TLK1: variants seen among roughly 807,000 people sequenced by gnomAD.
TLK1 encodes the protein serine/threonine-protein kinase tousled-like 1.
TLK1 carries 24 observed loss-of-function variants against 105.3 expected under a neutral mutation model. That is an observed-to-expected ratio of 0.23 (90% CI 0.17 to 0.32). TLK1 has a LOEUF of 0.32. Among genes scored for constraint, TLK1 ranks in the 10% least tolerant of loss-of-function variants. The probability of loss-of-function intolerance (pLI) is 1.00; values close to 1 mark genes in which losing one functional copy is unlikely to be tolerated. For missense variants in TLK1, 558 were observed against 910.5 expected (o/e 0.61, Z 4.98); for synonymous variants, 321 against 310.4 (o/e 1.03, Z -0.36).
chr2:171,042,042 A>G (rs974857365), intron 11 of TLK1, among the ~76,000 whole-genome samples: 6 of 152,224 alleles, frequency 3.9e-5, no homozygotes, highest in African/African-American at 1.4e-4. Flanking sequence ...TCAAATTGCC[A>G]TGTAGTACCC....
At chr2:171,076,369 CT>C (rs1159933730) in intron 3 of TLK1, among the ~76,000 whole-genome samples, 2 of 152,078 alleles carry the variant, frequency 1.3e-5, no homozygotes, top group Non-Finnish European at 1.5e-5. Flanking sequence ...TCACTTCTGC[CT>C]TCCATCTTCT....
At chr2:171,079,689 C>A (rs898412893) in intron 3 of TLK1, among the ~76,000 whole-genome samples, 1 of 152,054 alleles carries the variant, frequency 6.6e-6, no homozygotes, top group African/African-American at 2.4e-5. Context: ...AAAAAAGATT[C>A]ATATATAAAA....
chr2:171,046,685 C>G (rs978883661), intron 10 of TLK1, among the ~76,000 whole-genome samples: 1 of 152,280 alleles, frequency 6.6e-6, no homozygotes, highest in Admixed American at 6.5e-5. Context: ...GGTTAGATGA[C>G]ATCACTCCCT....
intron 1 of TLK1, among the ~76,000 whole-genome samples, chr2:171,214,930 TCTCTTTCAA>T (rs1693685804): frequency 6.6e-6 from 1 of 151,984 alleles, no homozygotes; most frequent in Admixed American, 6.6e-5. Flanking sequence ...GCAATCATGT[TCTCTTTCAA>T]CTCTTTTCTT....
At chr2:171,135,643 A>G (rs1333227918) in intron 1 of TLK1, among the ~76,000 whole-genome samples, 1 of 152,038 alleles carries the variant, frequency 6.6e-6, no homozygotes, top group Non-Finnish European at 1.5e-5. Context: ...TCTACTAAAA[A>G]TGTAAAAAAT....
At chr2:171,070,825 T>A (rs1333381983) in intron 3 of TLK1, among the ~76,000 whole-genome samples, 1 of 152,192 alleles carries the variant, frequency 6.6e-6, no homozygotes, top group Non-Finnish European at 1.5e-5. Context: ...AGCTCTATTT[T>A]CAGCCTTTTG....
chr2:171,216,492 A>C (rs1235226984), intron 1 of TLK1, among the ~76,000 whole-genome samples: 2 of 152,070 alleles, frequency 1.3e-5, no homozygotes, highest in Non-Finnish European at 2.9e-5. Context: ...AAAACAAAAC[A>C]AAAAAACAGA....
rs889159799 is a variant in TLK1 at position 170,991,691 on chromosome 2, C to T, written c.*2089G>A. 1.3e-5 allele frequency: 2 copies of T among 152,104 alleles called. No individual in the cohort carries two copies. The highest frequency in any genetic ancestry group is 4.8e-5 in the African/African-American group (2 of 41,424). 9.4% of individuals were successfully genotyped at this position (152,104 alleles called of 1,614,324 possible). ...GGTCTATACTACTTAACTTACTGAA[C>T]CTCAAAGTTAGATTTACACATTCAC... On this transcript the variant is annotated 3_prime_UTR_variant, in exon 21 of 21. Coordinates refer to ENST00000431350, the MANE Select transcript of TLK1 (RefSeq NM_012290.5).
intron 1 of TLK1, among the ~76,000 whole-genome samples, chr2:171,195,232 G>A (rs551908202): frequency 3.3e-5 from 5 of 151,972 alleles, no homozygotes; most frequent in Admixed American, 6.6e-5. Flanking sequence ...GGCCGGGCGC[G>A]GTGGCTCACG....
intron 14 of TLK1, 105 bp downstream of exon 14, chr2:171,011,268 A>T: frequency 1.1e-6 from 1 of 942,028 alleles, no homozygotes; most frequent in Non-Finnish European, 1.5e-6. Flanking sequence ...CCCTGGGGTT[A>T]CATGTGTGAG....
At chr2:171,139,139 A>G (rs1482401321) in intron 1 of TLK1, among the ~76,000 whole-genome samples, 1 of 152,212 alleles carries the variant, frequency 6.6e-6, no homozygotes, top group African/African-American at 2.4e-5. Flanking sequence ...CTGAGAAAAT[A>G]CCCAGCATTA....
chr2:171,080,057 C>T (rs1350480747), intron 3 of TLK1, among the ~76,000 whole-genome samples: 2 of 151,548 alleles, frequency 1.3e-5, no homozygotes, highest in African/African-American at 4.9e-5. Context: ...ACTGTCTGGG[C>T]ACGGTGGCTT....
Position 171,033,300 on chromosome 2 carries a change from G to A in TLK1, c.1170-4895C>T, listed in dbSNP as rs544742103. On this transcript the variant is annotated intron_variant, in intron 11 of 20. Coordinates refer to ENST00000431350, the MANE Select transcript of TLK1 (RefSeq NM_012290.5). ...TAAATTCTTAGATTTGTCACCAAAAGCATAAACAACAACAGTAACAAAAAT... is the reference window on the plus strand; with the variant it reads ...TAAATTCTTAGATTTGTCACCAAAAACATAAACAACAACAGTAACAAAAAT... 7.2e-5 allele frequency among the ~76,000 whole-genome samples: 11 copies of A among 152,138 alleles called. No individual in the cohort carries two copies. The South Asian group carries it at 1.9e-3, about 26-fold the overall frequency.
At chr2:171,067,797 T>C (rs902825510) in intron 3 of TLK1, among the ~76,000 whole-genome samples, 1 of 151,680 alleles carries the variant, frequency 6.6e-6, no homozygotes, top group Non-Finnish European at 1.5e-5. Flanking sequence ...TTATGTGAAG[T>C]CCCCCCAACC....
chr2:171,191,090 G>A (rs553446823), intron 1 of TLK1, among the ~76,000 whole-genome samples: 10 of 152,030 alleles, frequency 6.6e-5, no homozygotes, highest in African/African-American at 2.2e-4. Context: ...AACCCAGGAG[G>A]TGGAGGTTGC....
chr2:171,156,702 G>C (rs899952139), intron 1 of TLK1, among the ~76,000 whole-genome samples: 1 of 152,130 alleles, frequency 6.6e-6, no homozygotes, highest in Non-Finnish European at 1.5e-5. Context: ...AAGGCCTACA[G>C]GGCCATCTGG....
intron 11 of TLK1, among the ~76,000 whole-genome samples, chr2:171,034,651 C>G (rs1223046705): frequency 6.6e-6 from 1 of 152,034 alleles, no homozygotes; most frequent in African/African-American, 2.4e-5. Flanking sequence ...AGTTTTGAAA[C>G]TAGAGAGAAG....
rs1558975838 is a variant in TLK1 at position 171,160,729 on chromosome 2, C to CCGG, written c.-304_-302dup. The CCGG allele has an allele frequency of 2.2e-6, 1 of 451,368 alleles. No individual in the cohort carries two copies. The highest frequency in any genetic ancestry group is 3.6e-5 in the East Asian group (1 of 28,136). 28.0% of individuals were successfully genotyped at this position (451,368 alleles called of 1,614,324 possible). A position where few individuals can be genotyped will look rare whatever the true frequency, so the allele number is the denominator to read the frequency against. On this transcript the variant is annotated 5_prime_UTR_variant, in exon 1 of 21. Transcript: ENST00000431350. This position sits in a 1 kb window ranked among gnomAD's most constrained non-coding sequence, Gnocchi z 4.4. Reference sequence around the variant, plus strand: ...GGCGGAGGCGTCGAGGGGGTGCCAGCCGGGCCGGGGTCGGAGCGCGGGCGG... The same window carrying CCGG: ...GGCGGAGGCGTCGAGGGGGTGCCAGCCGGCGGGCCGGGGTCGGAGCGCGGGCGG...
chr2:170,997,884 T>C, intron 18 of TLK1, 61 bp from the exon 19 acceptor site: 1 of 1,048,416 alleles, frequency 9.5e-7, no homozygotes. Flanking sequence ...TAAAATCTTC[T>C]AAGTGTAAAA....
Sources: allele counts gnomAD v4.1 joint callset (sites outside exome capture counted in the v4.1 genomes callset), GRCh38; gene constraint gnomAD v4.1.1; non-coding constraint Gnocchi (gnomAD v3.1); transcripts MANE v1.5; gene names NCBI Gene and HGNC (gene_info 2026-07-23, HGNC 2026-07-21).